The following ERC1 variants were observed in gnomAD, a reference collection of about 807,000 sequenced individuals.
ERC1 encodes RAB6 interacting protein 2.
A neutral mutation model predicts 132.0 loss-of-function variants in ERC1; 56 were observed. The ratio of observed to expected loss-of-function variants is 0.42; its 90% CI spans 0.34 to 0.53. The LOEUF (loss-of-function observed/expected upper bound fraction) is 0.53, where lower values mean the gene tolerates loss of function less well. Among genes scored for constraint, ERC1 ranks in the 20% least tolerant of loss-of-function variants. ERC1 has a pLI of 0.03. For synonymous variants in ERC1, 478 were observed against 476.1 expected (o/e 1.00, Z -0.05); for missense variants, 1,202 against 1,349.9 (o/e 0.89, Z 1.72).
chr12:1,256,303 C>G (rs2076810910), intron 13 of ERC1, among the ~76,000 whole-genome samples: 1 of 145,996 alleles, frequency 6.8e-6, no homozygotes, highest in South Asian at 2.1e-4. Context: ...AACTTTTTCC[C>G]TTGTCTACTT....
chr12:1,468,077 T>C (rs572919306), intron 18 of ERC1, among the ~76,000 whole-genome samples: 2 of 152,340 alleles, frequency 1.3e-5, no homozygotes, highest in East Asian at 3.9e-4. Context: ...AGACTCCCGA[T>C]CTACAGTATG....
intron 15 of ERC1, among the ~76,000 whole-genome samples, chr12:1,317,763 T>C (rs1042183278): frequency 1.3e-5 from 2 of 152,088 alleles, no homozygotes; most frequent in South Asian, 4.1e-4. Flanking sequence ...TATGGTGATC[T>C]TTGGATCTCG....
chr12:1,129,934 T>C (rs1948597151), intron 7 of ERC1, among the ~76,000 whole-genome samples: 1 of 152,132 alleles, frequency 6.6e-6, no homozygotes, highest in African/African-American at 2.4e-5. Flanking sequence ...AATAGTGCCG[T>C]TACAGCCAAA....
intron 12 of ERC1, among the ~76,000 whole-genome samples, chr12:1,191,284 A>G (rs1955705737): frequency 6.6e-6 from 1 of 151,948 alleles, no homozygotes; most frequent in African/African-American, 2.4e-5. Flanking sequence ...TTTGCACTGC[A>G]CCCTTCCCCA....
chr12:1,375,726 C>G (rs2154376061), intron 16 of ERC1, among the ~76,000 whole-genome samples: 1 of 136,214 alleles, frequency 7.3e-6, no homozygotes, highest in South Asian at 2.5e-4. Context: ...AAGCATGGCT[C>G]TTGTTCCTTT....
chr12:1,251,794 A>G (rs1460863283), intron 13 of ERC1, among the ~76,000 whole-genome samples: 4 of 152,158 alleles, frequency 2.6e-5, no homozygotes, highest in African/African-American at 7.2e-5. Context: ...GAAAGACTTT[A>G]TTGATAGGAC....
At chr12:1,430,833 AG>A (rs1177570967) in intron 17 of ERC1, 1 of 152,344 alleles carries the variant, frequency 6.6e-6, no homozygotes, top group African/African-American at 2.4e-5. Context: ...TACGGGGCAG[AG>A]TACTGGAAAC....
intron 13 of ERC1, among the ~76,000 whole-genome samples, chr12:1,253,287 C>T (rs73595925): frequency 0.051 from 7,744 of 152,154 alleles, 449 homozygotes; most frequent in African/African-American, 0.15. Context: ...GCCTTGTTAA[C>T]AATTTTTGAG....
intron 16 of ERC1, among the ~76,000 whole-genome samples, chr12:1,404,384 CA>C (rs35010065): frequency 0.011 from 1,375 of 123,910 alleles, 17 homozygotes; most frequent in African/African-American, 0.03. Context: ...CTACTGTTTG[CA>C]AAAAAAAAAA....
chr12:1,228,696 G>C (rs1482133393), intron 12 of ERC1, among the ~76,000 whole-genome samples: 16 of 151,972 alleles, frequency 1.1e-4, no homozygotes, highest in Admixed American at 7.2e-4. Flanking sequence ...GTTGTGTTGA[G>C]GTACATTCCT....
intron 13 of ERC1, among the ~76,000 whole-genome samples, chr12:1,250,762 G>A (rs955064186): frequency 4.6e-5 from 7 of 152,216 alleles, no homozygotes; most frequent in African/African-American, 1.4e-4. Flanking sequence ...TTTTAGTCAC[G>A]TCCTAATAAT....
chr12:1,255,131 T>A (rs1427400532), intron 13 of ERC1, among the ~76,000 whole-genome samples: 3 of 151,754 alleles, frequency 2.0e-5, no homozygotes, highest in African/African-American at 7.3e-5. Flanking sequence ...GTGTGTGATG[T>A]TCTCCTCCCT....
intron 12 of ERC1, among the ~76,000 whole-genome samples, chr12:1,216,610 A>AGGGATGGGGGGCGGGGGGGGG (rs1566277397): frequency 1.6e-4 from 1 of 6,268 alleles, no homozygotes; most frequent in African/African-American, 5.8e-4. Flanking sequence ...GTCGGGGAGG[A>AGGGATGGGGGGCGGGGGGGGG]GGGATGGGGG....
chr12:996,732 A>T (rs113703343), intron 1 of ERC1, among the ~76,000 whole-genome samples: 21 of 152,320 alleles, frequency 1.4e-4, no homozygotes, highest in African/African-American at 3.8e-4. Flanking sequence ...CTAAATTAGA[A>T]GGTATAAGAG....
intron 12 of ERC1, among the ~76,000 whole-genome samples, chr12:1,224,991 G>GAAAGA (rs1216762533): frequency 2.0e-5 from 3 of 151,726 alleles, no homozygotes; most frequent in Admixed American, 2.0e-4. Flanking sequence ...AAGAAAGAAA[G>GAAAGA]AAAGAAAAGA....
chr12:1,120,101 C>T (rs750099865), intron 7 of ERC1, among the ~76,000 whole-genome samples: 9 of 152,104 alleles, frequency 5.9e-5, no homozygotes, highest in Non-Finnish European at 1.0e-4. Context: ...GATCCTCCCA[C>T]TTCAGCATCT....
chr12:1,444,187 A>T (rs1190365520), intron 17 of ERC1: 1 of 157,784 alleles, frequency 6.3e-6, no homozygotes, highest in Admixed American at 6.2e-5. Context: ...TTTGTAATCT[A>T]CTCATAAATA....
chr12:1,156,797 T>C (rs1357021717), intron 8 of ERC1, among the ~76,000 whole-genome samples: 1 of 152,200 alleles, frequency 6.6e-6, no homozygotes, highest in Admixed American at 6.5e-5. Flanking sequence ...TCATTGAGCA[T>C]TTTTTCATAG....
At chr12:1,408,693 C>T (rs1238516184) in intron 17 of ERC1, among the ~76,000 whole-genome samples, 1 of 152,190 alleles carries the variant, frequency 6.6e-6, no homozygotes, top group African/African-American at 2.4e-5. Flanking sequence ...TGCTCATTAC[C>T]TATTAAAAGT....
Sources: gnomAD v4.1 joint callset for allele counts (sites outside exome capture counted in the v4.1 genomes callset) on GRCh38, gnomAD v4.1.1 for gene constraint, MANE v1.5 for transcripts, NCBI Gene and HGNC (gene_info 2026-07-23, HGNC 2026-07-21) for gene names.